The following KAT6B variants were observed in gnomAD, a reference collection of about 807,000 sequenced individuals.
The protein encoded by KAT6B is lysine acetyltransferase 6B.
Under a neutral mutation model 187.5 loss-of-function variants are expected in KAT6B, and 10 were observed. The ratio of observed to expected loss-of-function variants is 0.05; its 90% CI spans 0.03 to 0.09. The LOEUF is 0.09. KAT6B is among the 10% of genes least tolerant of loss of function. The pLI is 1.00. For missense variants in KAT6B, 1,952 were observed against 2,558.9 expected, an observed-to-expected ratio of 0.76 and a Z score of 5.12; for synonymous variants, 861 against 926.8, an observed-to-expected ratio of 0.93 and a Z score of 1.29.
At chr10:74,928,270 G>T (rs886250595) in intron 3 of KAT6B, among the ~76,000 whole-genome samples, 3 of 152,154 alleles carry the variant, frequency 2.0e-5, no homozygotes, top group Non-Finnish European at 4.4e-5. Context: ...TGATAGCTAA[G>T]TAATTTTTTG....
In KAT6B at chr10:75,030,378, C is replaced by T; in HGVS notation, c.5554C>T (p.Pro1852Ser). The change falls in exon 18 of 18, where the codon CCA (proline) becomes TCA (serine). Residue 1852 changes from proline (P) to serine (S), a missense_variant. Around this residue, in one of 9 missense-constraint regions of KAT6B, gnomAD observed 358 missense variants for 436.3 expected, o/e 0.82. Transcript: ENST00000287239. The surrounding 1 kb of genome is among the most constrained non-coding windows in gnomAD (Gnocchi z 4.8). The part of the protein sequence containing the change: ...SYANSASLST[P>S]LSNTGLVQLS... Reference sequence around the variant, plus strand: ...TGCAAACAGTGCCTCTTTGTCCACACCATTAAGTAACACAGGGCTTGTTCA... The same window carrying T: ...TGCAAACAGTGCCTCTTTGTCCACATCATTAAGTAACACAGGGCTTGTTCA... The T allele has an allele frequency of 1.2e-6, 2 of 1,614,216 alleles. No homozygotes were observed. Among genetic ancestry groups the T allele is most frequent in the Non-Finnish European group, 1.7e-6 (2 of 1,180,036 alleles).
chr10:74,961,572 A>C lies in KAT6B; in HGVS notation c.730+1494A>C, dbSNP rs149753432. Among the ~76,000 whole-genome samples the C allele has an allele frequency of 1.6e-4, 24 of 152,292 alleles. No individual in the cohort carries two copies. The East Asian group carries it at 2.7e-3, about 17-fold the overall frequency. Reference sequence around the variant, plus strand: ...TTGAGTTGATAAGAAGTTCGAGATCATTATCTTCTAGATCATAACTTCAAG... The same window carrying C: ...TTGAGTTGATAAGAAGTTCGAGATCCTTATCTTCTAGATCATAACTTCAAG... On this transcript the variant is annotated intron_variant, in intron 4 of 17. Transcript: ENST00000287239.
rs1230864095 is a variant in KAT6B at position 74,842,479 on chromosome 10, AC to A, written c.-258-119del. 1.8e-5 allele frequency: 9 copies of A among 490,364 alleles called. No individual in the cohort carries two copies. In the African/African-American group the frequency reaches 2.4e-4, roughly 13 times the overall value. 30.4% of individuals were successfully genotyped at this position (490,364 alleles called of 1,614,324 possible). A position where few individuals can be genotyped will look rare whatever the true frequency, so the allele number is the denominator to read the frequency against. On this transcript the variant is annotated intron_variant, in intron 2 of 17. Coordinates refer to ENST00000287239, the MANE Select transcript of KAT6B (RefSeq NM_012330.4). ...AGTCACTGTGGCTGTGTTATGTAAT[AC>A]CTGCCTGTCATTACTTCTTGTGGTC... is the stretch of plus-strand genomic sequence containing the variant.
chr10:74,969,751 C>T lies in KAT6B; in HGVS notation c.822C>T (p.Ala274=). The change falls in exon 5 of 18, where the codon GCC becomes GCT. Residue 274 remains alanine, a synonymous_variant. Coordinates refer to ENST00000287239, the MANE Select transcript of KAT6B (RefSeq NM_012330.4). The part of the protein sequence containing the change: ...WQCIECKTCS[A]CRVQGRNADN... ...GCATCGAATGCAAGACATGCAGTGCCTGTAGAGTCCAAGGCAGAAATGCTG... is the reference window on the plus strand; with the variant it reads ...GCATCGAATGCAAGACATGCAGTGCTTGTAGAGTCCAAGGCAGAAATGCTG... 2 of 1,613,132 alleles carry T rather than the reference C, an allele frequency of 1.2e-6. No individual in the cohort carries two copies. The highest frequency in any genetic ancestry group is 2.2e-5 in the East Asian group (1 of 44,874).
chr10:74,903,947 T>C (rs1183756992), intron 3 of KAT6B, among the ~76,000 whole-genome samples: 1 of 152,216 alleles, frequency 6.6e-6, no homozygotes, highest in Non-Finnish European at 1.5e-5. Flanking sequence ...GAAAAGTAAA[T>C]GTTCCAGGGA....
chr10:74,913,790 C>T (rs952491876), intron 3 of KAT6B, among the ~76,000 whole-genome samples: 3 of 152,212 alleles, frequency 2.0e-5, no homozygotes, highest in African/African-American at 7.2e-5. Flanking sequence ...AGCCATCTCC[C>T]AGGGTTTCCC....
intron 3 of KAT6B, among the ~76,000 whole-genome samples, chr10:74,856,683 G>T (rs1183422022): frequency 2.0e-5 from 3 of 152,094 alleles, no homozygotes; most frequent in Non-Finnish European, 4.4e-5. Context: ...TGGACTGATT[G>T]AGCTCAGAAG....
intron 3 of KAT6B, among the ~76,000 whole-genome samples, chr10:74,925,724 C>T (rs1848449483): frequency 6.6e-6 from 1 of 152,204 alleles, no homozygotes; most frequent in South Asian, 2.1e-4. Context: ...AATAGTAACT[C>T]TTATAACACT....
intron 9 of KAT6B, 55 bp downstream of exon 9, chr10:74,977,492 T>C: frequency 3.8e-6 from 6 of 1,593,854 alleles, no homozygotes; most frequent in Non-Finnish European, 5.2e-6. Context: ...CTTCTAACTA[T>C]TAATATGGAA....
rs1846284704 is a variant in KAT6B at position 75,031,003 on chromosome 10, G to T, written c.6179G>T (p.Gly2060Val). ...APGHHGYMNTGMSKQSLNGSY... is the reference protein window; with the variant it reads ...APGHHGYMNTVMSKQSLNGSY... Reference sequence around the variant, plus strand: ...GGACATCACGGCTACATGAACACAGGCATGTCCAAACAGTCTCTCAATGGC... The same window carrying T: ...GGACATCACGGCTACATGAACACAGTCATGTCCAAACAGTCTCTCAATGGC... The change falls in exon 18 of 18, where the codon GGC (glycine) becomes GTC (valine). Residue 2060 changes from glycine (G) to valine (V), a missense_variant. Gly to Val is a moderately radical substitution (Grantham distance 109, BLOSUM62 -3). This residue lies in a region of KAT6B where 358 missense variants were observed against 436.3 expected (regional missense o/e 0.82). Transcript: ENST00000287239. 1.2e-6 allele frequency: 2 copies of T among 1,614,146 alleles called. No homozygotes were observed. Among genetic ancestry groups the T allele is most frequent in the South Asian group, 1.1e-5 (1 of 91,084 alleles).
intron 13 of KAT6B, among the ~76,000 whole-genome samples, chr10:74,993,144 C>G (rs1422987541): frequency 6.6e-6 from 1 of 152,208 alleles, no homozygotes; most frequent in Non-Finnish European, 1.5e-5. Context: ...ACCGTCAAGG[C>G]AAGGAGCTCT....
intron 3 of KAT6B, among the ~76,000 whole-genome samples, chr10:74,933,622 T>C: frequency 6.6e-6 from 1 of 152,232 alleles, no homozygotes; most frequent in Non-Finnish European, 1.5e-5. Context: ...CTGTTAGGAA[T>C]TTCTGTGATC....
intron 3 of KAT6B, among the ~76,000 whole-genome samples, chr10:74,850,750 C>T (rs1351492389): frequency 6.6e-6 from 1 of 152,222 alleles, no homozygotes; most frequent in East Asian, 1.9e-4. Context: ...GAGAGACTTC[C>T]ATTATCACTG....
At position 74,957,850 on chromosome 10, in the gene KAT6B, A is replaced by G. The variant is rs536845936; in HGVS notation, c.622-2120A>G. ...AGTTGCAAGTAATAACTATGGATCC[A>G]TAATTATGCAGTGCTGATTATCTGG... On this transcript the variant is annotated intron_variant, in intron 3 of 17. Coordinates refer to ENST00000287239, the MANE Select transcript of KAT6B (RefSeq NM_012330.4). 8.0e-4 allele frequency among the ~76,000 whole-genome samples: 122 copies of G among 152,370 alleles called. No individual in the cohort carries two copies. In the Middle Eastern group the frequency reaches 0.01, roughly 13 times the overall value.
chr10:74,841,300 C>A (rs1841726116), intron 2 of KAT6B, among the ~76,000 whole-genome samples: 1 of 152,164 alleles, frequency 6.6e-6, no homozygotes, highest in African/African-American at 2.4e-5. Flanking sequence ...TGGCTGGGCA[C>A]AGTGGCTTAC....
At chr10:74,877,917 A>G (rs1265160797) in intron 3 of KAT6B, among the ~76,000 whole-genome samples, 2 of 152,008 alleles carry the variant, frequency 1.3e-5, no homozygotes, top group Admixed American at 1.3e-4. Context: ...AAAGGGAAAT[A>G]CCAGATTGTA....
rs556834934 is a variant in KAT6B at position 74,888,062 on chromosome 10, C to T, written c.621+44584C>T. Reference sequence around the variant, plus strand: ...GCAGAGCACTGACTGACACCTGCCTCTTTCAGAGGTGGGGTCAGGATAGCT... The same window carrying T: ...GCAGAGCACTGACTGACACCTGCCTTTTTCAGAGGTGGGGTCAGGATAGCT... On this transcript the variant is annotated intron_variant, in intron 3 of 17. Coordinates refer to ENST00000287239, the MANE Select transcript of KAT6B (RefSeq NM_012330.4). Among the ~76,000 whole-genome samples, 189 of 152,318 alleles carry T rather than the reference C, an allele frequency of 1.2e-3. 1 individual carries two copies. The highest frequency in any genetic ancestry group is 4.3e-3 in the African/African-American group (180 of 41,562).
At chr10:75,005,214 G>A (rs1216560522) in intron 13 of KAT6B, among the ~76,000 whole-genome samples, 5 of 148,756 alleles carry the variant, frequency 3.4e-5, no homozygotes, top group African/African-American at 1.3e-4. Flanking sequence ...TCGTTTTTTT[G>A]TTCTTTTTTT....
intron 3 of KAT6B, among the ~76,000 whole-genome samples, chr10:74,848,821 T>TA (rs760173314): frequency 1.3e-5 from 2 of 152,216 alleles, no homozygotes; most frequent in African/African-American, 2.4e-5. Context: ...TTGATTGTAC[T>TA]ATAATTTCCT....
Sources: gnomAD v4.1 joint callset for allele counts (sites outside exome capture counted in the v4.1 genomes callset) on GRCh38, gnomAD v4.1.1 for gene constraint, gnomAD v4.1.1 regional missense constraint, Gnocchi (gnomAD v3.1) non-coding constraint, MANE v1.5 for transcripts, NCBI Gene and HGNC (gene_info 2026-07-23, HGNC 2026-07-21) for gene names.